The following KALRN variants were observed in gnomAD, a reference collection of about 807,000 sequenced individuals.
KALRN encodes the protein kalirin.
Under a neutral mutation model 353.7 loss-of-function variants are expected in KALRN, and 70 were observed. That is an observed-to-expected ratio of 0.20 (90% CI 0.16 to 0.24). The LOEUF is 0.24. Among genes scored for constraint, KALRN ranks in the 10% least tolerant of loss-of-function variants. The pLI, the probability that KALRN is intolerant of heterozygous loss-of-function variation, is 1.00. For synonymous variants in KALRN, 1,391 were observed against 1,434.8 expected, an observed-to-expected ratio of 0.97 and a Z score of 0.69; for missense variants, 2,791 against 3,756.7, an observed-to-expected ratio of 0.74 and a Z score of 6.72.
chr3:124,228,049 G>A lies in KALRN; in HGVS notation c.133G>A (p.Val45Met). The A allele has an allele frequency of 6.2e-7, 1 of 1,613,838 alleles. No individual in the cohort carries two copies. The highest frequency in any genetic ancestry group is 1.1e-5 in the South Asian group (1 of 91,072). The change falls in exon 2 of 60, where the codon GTG (valine) becomes ATG (methionine). Residue 45 changes from valine (V) to methionine (M), a missense_variant. Around this residue, in one of 11 missense-constraint regions of KALRN, gnomAD observed 110 missense variants for 204.1 expected, o/e 0.54. Coordinates refer to ENST00000682506, the MANE Select transcript of KALRN (RefSeq NM_001388419.1). ...SDVLPILKEK[V>M]AFVSGGRDKR... Reference sequence around the variant, plus strand: ...TGTCCTTCCTATCCTAAAGGAAAAGGTGGCCTTCGTGTCTGGTGAGTATTT... The same window carrying A: ...TGTCCTTCCTATCCTAAAGGAAAAGATGGCCTTCGTGTCTGGTGAGTATTT...
chr3:124,095,527 T>C (rs1304635221), intron 1 of KALRN, among the ~76,000 whole-genome samples: 1 of 152,182 alleles, frequency 6.6e-6, no homozygotes, highest in East Asian at 1.9e-4. Context: ...CACAGAACTA[T>C]TACTACCTAT....
At chr3:124,583,118 G>A (rs2149274269) in intron 34 of KALRN, among the ~76,000 whole-genome samples, 1 of 152,196 alleles carries the variant, frequency 6.6e-6, no homozygotes, top group South Asian at 2.1e-4. Flanking sequence ...ATCTAAGCAT[G>A]GTTCCAACTG....
intron 33 of KALRN, among the ~76,000 whole-genome samples, chr3:124,539,969 G>T (rs947640561): frequency 6.6e-6 from 1 of 151,946 alleles, no homozygotes; most frequent in African/African-American, 2.4e-5. Context: ...GAGTGCAGTG[G>T]CATGATCTTG....
Position 124,666,652 on chromosome 3 carries a change from G to T in KALRN, c.6531+18G>T, listed in dbSNP as rs1315170043. ...GCATCAAGGTGAGGATCCCAATGGTGATGAGAAGAGGCAAGGAAGAGCCCA... is the reference window on the plus strand; with the variant it reads ...GCATCAAGGTGAGGATCCCAATGGTTATGAGAAGAGGCAAGGAAGAGCCCA... On this transcript the variant is annotated intron_variant, in intron 46 of 59. Coordinates refer to ENST00000682506, the MANE Select transcript of KALRN (RefSeq NM_001388419.1). 3.7e-6 allele frequency: 6 copies of T among 1,608,474 alleles called. No individual in the cohort carries two copies. Among genetic ancestry groups the T allele is most frequent in the Non-Finnish European group, 5.1e-6 (6 of 1,175,538 alleles).
chr3:124,588,188 AG>A (rs1365960671), intron 34 of KALRN, among the ~76,000 whole-genome samples: 1 of 152,190 alleles, frequency 6.6e-6, no homozygotes, highest in East Asian at 1.9e-4. Flanking sequence ...AACAACCAAA[AG>A]TGAGATAATG....
intron 48 of KALRN, among the ~76,000 whole-genome samples, chr3:124,673,040 TA>T (rs1236314436): frequency 6.6e-6 from 1 of 152,118 alleles, no homozygotes; most frequent in Non-Finnish European, 1.5e-5. Context: ...TTTTCCACCT[TA>T]AAAAACAATC....
intron 10 of KALRN, among the ~76,000 whole-genome samples, chr3:124,379,125 A>C (rs2149872972): frequency 6.6e-6 from 1 of 152,246 alleles, no homozygotes; most frequent in African/African-American, 2.4e-5. Flanking sequence ...TTTAGTTTAA[A>C]TACTTACTAT....
chr3:124,460,229 C>T (rs2059712967), intron 23 of KALRN, among the ~76,000 whole-genome samples: 2 of 152,178 alleles, frequency 1.3e-5, no homozygotes, highest in Non-Finnish European at 2.9e-5. Context: ...GAGGTTAAGA[C>T]TTCAGCATAT....
At chr3:124,337,865 G>A (rs1470529012) in intron 9 of KALRN, among the ~76,000 whole-genome samples, 1 of 152,116 alleles carries the variant, frequency 6.6e-6, no homozygotes, top group African/African-American at 2.4e-5. Context: ...TTAGTCTTGG[G>A]AGGATGTATG....
chr3:124,263,076 G>C (rs2073085391), intron 3 of KALRN, among the ~76,000 whole-genome samples: 1 of 152,168 alleles, frequency 6.6e-6, no homozygotes, highest in Non-Finnish European at 1.5e-5. Flanking sequence ...TAACTATTCT[G>C]ACCTTCGTTT....
Position 124,700,447 on chromosome 3 carries a change from T to G in KALRN, c.7996+414T>G, listed in dbSNP as rs998593804. Among the ~76,000 whole-genome samples, 3 of 152,312 alleles carry G rather than the reference T, an allele frequency of 2.0e-5. No individual in the cohort carries two copies. In the South Asian group the frequency reaches 6.2e-4, roughly 32 times the overall value. On this transcript the variant is annotated intron_variant, in intron 56 of 59. Transcript: ENST00000682506. ...AAGAAAAGCAACCTGGCTGAAGGAC[T>G]TCATTACAACATGAGGATTTCATAG...
At chr3:124,424,086 G>C (rs1203617518) in intron 15 of KALRN, among the ~76,000 whole-genome samples, 1 of 152,018 alleles carries the variant, frequency 6.6e-6, no homozygotes, top group Non-Finnish European at 1.5e-5. Flanking sequence ...TTAGGCCACT[G>C]AAGCTTAAGA....
chr3:124,213,917 C>T (rs2077096419), intron 1 of KALRN, among the ~76,000 whole-genome samples: 1 of 152,244 alleles, frequency 6.6e-6, no homozygotes, highest in Non-Finnish European at 1.5e-5. Context: ...TCTTAAAATG[C>T]TATTTGACTT....
At chr3:124,502,016 T>C (rs879919897) in intron 33 of KALRN, among the ~76,000 whole-genome samples, 2 of 152,210 alleles carry the variant, frequency 1.3e-5, no homozygotes, top group Non-Finnish European at 2.9e-5. Flanking sequence ...GGACTTGAAT[T>C]AGATGTAAGA....
chr3:124,446,302 A>T (rs1269366232), intron 20 of KALRN, 26 bp downstream of exon 20: 16 of 1,542,712 alleles, frequency 1.0e-5, no homozygotes, highest in Non-Finnish European at 1.3e-5. Flanking sequence ...CCCTGGCACT[A>T]TCTCAGTTCT....
chr3:124,468,935 G>A (rs1288234243), intron 25 of KALRN, among the ~76,000 whole-genome samples: 1 of 152,094 alleles, frequency 6.6e-6, no homozygotes. Context: ...TAGACGTTAG[G>A]GAATACCCAA....
chr3:124,702,847 T>C (rs144701538), intron 57 of KALRN, among the ~76,000 whole-genome samples: 266 of 152,308 alleles, frequency 1.7e-3, no homozygotes, highest in African/African-American at 6.0e-3. Flanking sequence ...GAACATTTAG[T>C]GTGTCCTCAA....
intron 1 of KALRN, among the ~76,000 whole-genome samples, chr3:124,082,914 A>G (rs918102260): frequency 2.6e-5 from 4 of 152,258 alleles, no homozygotes; most frequent in African/African-American, 4.8e-5. Flanking sequence ...GCTTGTTTCC[A>G]GTTAAACAGA....
At position 124,722,335 on chromosome 3, in the gene KALRN, A is replaced by G. The variant is rs2063368043; in HGVS notation, c.*2865A>G. 6.6e-6 allele frequency: 1 copy of G among 152,142 alleles called. No individual in the cohort carries two copies. Among genetic ancestry groups the G allele is most frequent in the Non-Finnish European group, 1.5e-5 (1 of 68,052 alleles). 9.4% of individuals were successfully genotyped at this position (152,142 alleles called of 1,614,324 possible). On this transcript the variant is annotated 3_prime_UTR_variant, in exon 60 of 60. Coordinates refer to ENST00000682506, the MANE Select transcript of KALRN (RefSeq NM_001388419.1). ...ATTCCCCCAAGTACACATATTTGGG[A>G]AGTGAGAAGACAGGAAAGGAGGGAC... is the stretch of plus-strand genomic sequence containing the variant.
Sources: allele counts gnomAD v4.1 joint callset (sites outside exome capture counted in the v4.1 genomes callset), GRCh38; gene constraint gnomAD v4.1.1; regional missense constraint gnomAD v4.1.1; transcripts MANE v1.5; gene names NCBI Gene and HGNC (gene_info 2026-07-23, HGNC 2026-07-21).